ATF7IP: variants seen among roughly 807,000 people sequenced by gnomAD.
The protein encoded by ATF7IP is activating transcription factor 7-interacting protein 1.
In ATF7IP, 23 loss-of-function variants were observed where a neutral mutation model predicts 106.4. That is an observed-to-expected ratio of 0.22 (90% CI 0.16 to 0.31). The LOEUF (loss-of-function observed/expected upper bound fraction) is 0.31, where lower values mean the gene tolerates loss of function less well. Among genes scored for constraint, ATF7IP ranks in the 10% least tolerant of loss-of-function variants. The probability of loss-of-function intolerance (pLI) is 1.00; values close to 1 mark genes in which losing one functional copy is unlikely to be tolerated. For synonymous variants in ATF7IP, 542 were observed against 539.0 expected (o/e 1.01, Z -0.08); for missense variants, 1,334 against 1,524.3 (o/e 0.88, Z 2.08).
At chr12:14,374,272 A>ATTTTTTTTT (rs563859251) in intron 1 of ATF7IP, among the ~76,000 whole-genome samples, 2 of 105,444 alleles carry the variant, frequency 1.9e-5, no homozygotes, top group East Asian at 2.7e-4. Context: ...TAATTTTGTA[A>ATTTTTTTTT]TTTTTTTTTT....
At chr12:14,459,505 C>G (rs554456757) in intron 8 of ATF7IP, among the ~76,000 whole-genome samples, 44 of 152,322 alleles carry the variant, frequency 2.9e-4, no homozygotes, top group Middle Eastern at 6.8e-3. Context: ...TCCCATTATA[C>G]TACCTTGATT....
intron 4 of ATF7IP, 78 bp downstream of exon 4, chr12:14,436,329 C>T (rs906587197): frequency 4.0e-5 from 55 of 1,371,178 alleles, no homozygotes; most frequent in Non-Finnish European, 5.3e-5. Context: ...TGACATTATT[C>T]TGTATTTTAT....
At chr12:14,430,904 G>A (rs1286674111) in intron 2 of ATF7IP, among the ~76,000 whole-genome samples, 1 of 152,166 alleles carries the variant, frequency 6.6e-6, no homozygotes. Context: ...GAATTAAGAG[G>A]TTGTGTCAGA....
At chr12:14,422,356 C>A (rs973866451) in intron 1 of ATF7IP, among the ~76,000 whole-genome samples, 6 of 136,244 alleles carry the variant, frequency 4.4e-5, no homozygotes, top group Non-Finnish European at 8.0e-5. Flanking sequence ...CACACACACA[C>A]AACCTTTGTA....
At chr12:14,440,875 G>C (rs1388673644) in intron 5 of ATF7IP, among the ~76,000 whole-genome samples, 2 of 152,126 alleles carry the variant, frequency 1.3e-5, no homozygotes, top group African/African-American at 4.8e-5. Flanking sequence ...GTGTTTTCCA[G>C]CTTAATCTGT....
chr12:14,456,937 A>G (rs1475979682), intron 7 of ATF7IP, among the ~76,000 whole-genome samples: 2 of 152,246 alleles, frequency 1.3e-5, no homozygotes, highest in African/African-American at 2.4e-5. Flanking sequence ...ATGTCTGTAT[A>G]TATTAGGACC....
chr12:14,501,985 C>T lies in ATF7IP; in HGVS notation c.*3912C>T, dbSNP rs1945171638. ...AACAAAGTAATGCCTGTGGTATCCT[C>T]ATCTCTCACTTTTTTACTCTGTGAT... is the stretch of plus-strand genomic sequence containing the variant. On this transcript the variant is annotated 3_prime_UTR_variant, in exon 15 of 15. Coordinates refer to ENST00000261168, the MANE Select transcript of ATF7IP (RefSeq NM_018179.5). The T allele has an allele frequency of 1.3e-5, 2 of 152,202 alleles. No individual in the cohort carries two copies. The highest frequency in any genetic ancestry group is 2.4e-5 in the African/African-American group (1 of 41,452). 9.4% of individuals were successfully genotyped at this position (152,202 alleles called of 1,614,324 possible). A position where few individuals can be genotyped will look rare whatever the true frequency, so the allele number is the denominator to read the frequency against.
intron 13 of ATF7IP, among the ~76,000 whole-genome samples, chr12:14,493,187 A>G (rs1944887121): frequency 6.6e-6 from 1 of 152,226 alleles, no homozygotes; most frequent in Non-Finnish European, 1.5e-5. Flanking sequence ...GGCCCAAATC[A>G]AGAAATTCAG....
intron 1 of ATF7IP, among the ~76,000 whole-genome samples, chr12:14,388,797 A>C (rs376530325): frequency 3.5e-4 from 54 of 152,142 alleles, no homozygotes; most frequent in African/African-American, 1.3e-3. Context: ...GGCATGTGCC[A>C]CCAAGCTAAT....
intron 1 of ATF7IP, among the ~76,000 whole-genome samples, chr12:14,379,532 T>C (rs1198952152): frequency 6.6e-6 from 1 of 152,040 alleles, no homozygotes; most frequent in Admixed American, 6.6e-5. Context: ...ATTCTGTCCT[T>C]GGCAGGAGAA....
chr12:14,409,147 A>C (rs977619172), intron 1 of ATF7IP, among the ~76,000 whole-genome samples: 1 of 152,070 alleles, frequency 6.6e-6, no homozygotes, highest in African/African-American at 2.4e-5. Context: ...ATACTCGATA[A>C]AAATGTCAAA....
intron 1 of ATF7IP, among the ~76,000 whole-genome samples, chr12:14,394,573 A>G (rs1178048178): frequency 6.6e-6 from 1 of 152,184 alleles, no homozygotes; most frequent in Non-Finnish European, 1.5e-5. Context: ...TGCTTTATGT[A>G]AATTGTCCTT....
chr12:14,431,315 G>A lies in ATF7IP; in HGVS notation c.1559-3022G>A, dbSNP rs145560670. ...TGAAAACTTGCCAAATTGTGATAAG[G>A]CTATAGCCTTATCCTCAAGAAAATC... On this transcript the variant is annotated intron_variant, in intron 2 of 14. Transcript: ENST00000261168. 2.6e-3 allele frequency among the ~76,000 whole-genome samples: 395 copies of A among 151,848 alleles called. 1 individual carries two copies. The highest frequency in any genetic ancestry group is 4.2e-3 in the Non-Finnish European group (286 of 67,952).
intron 11 of ATF7IP, among the ~76,000 whole-genome samples, chr12:14,477,442 T>TAA (rs1239945779): frequency 6.6e-6 from 1 of 152,198 alleles, no homozygotes; most frequent in Non-Finnish European, 1.5e-5. Flanking sequence ...ATGACTATTA[T>TAA]AATGGATCCC....
chr12:14,395,241 A>C (rs1170134114), intron 1 of ATF7IP: 1 of 152,156 alleles, frequency 6.6e-6, no homozygotes, highest in African/African-American at 2.4e-5. Context: ...CACAGTGTCA[A>C]GCTGCCCACA....
At chr12:14,457,354 C>T (rs775984545) in intron 8 of ATF7IP, 59 bp downstream of exon 8, 165 of 1,226,510 alleles carry the variant, frequency 1.3e-4, no homozygotes, top group Non-Finnish European at 1.8e-4. Flanking sequence ...CTTTGGTTCT[C>T]TTTTCTTACA....
chr12:14,446,660 A>G (rs1377470994), intron 5 of ATF7IP, among the ~76,000 whole-genome samples: 2 of 152,178 alleles, frequency 1.3e-5, no homozygotes, highest in African/African-American at 2.4e-5. Flanking sequence ...TGTGATTACA[A>G]CTGTGTTAAA....
chr12:14,406,977 T>C (rs1354511884), intron 1 of ATF7IP, among the ~76,000 whole-genome samples: 1 of 152,216 alleles, frequency 6.6e-6, no homozygotes, highest in African/African-American at 2.4e-5. Flanking sequence ...GTTGGTGGAT[T>C]ACTCGTATAA....
intron 5 of ATF7IP, among the ~76,000 whole-genome samples, chr12:14,445,785 C>T (rs542313143): frequency 9.9e-5 from 15 of 152,204 alleles, no homozygotes; most frequent in South Asian, 2.1e-4. Context: ...AATGTATGCC[C>T]TTATTGGATA....
Sources: gnomAD v4.1 joint callset for allele counts (sites outside exome capture counted in the v4.1 genomes callset) on GRCh38, gnomAD v4.1.1 for gene constraint, MANE v1.5 for transcripts, NCBI Gene and HGNC (gene_info 2026-07-23, HGNC 2026-07-21) for gene names.